Variants in PBX1 observed in about 807,000 individuals in gnomAD.
PBX1 encodes the protein PBX homeobox 1, also known as pre-B-cell leukemia transcription factor 1.
Under a neutral mutation model 53.4 loss-of-function variants are expected in PBX1, and 6 were observed. The observed-to-expected ratio is 0.11, with a 90% CI of 0.06 to 0.22. PBX1 has a LOEUF of 0.22. Among genes scored for constraint, PBX1 ranks in the 10% least tolerant of loss-of-function variants. The pLI is 1.00. For synonymous variants in PBX1, 204 were observed against 212.3 expected (o/e 0.96, Z 0.34); for missense variants, 251 against 551.4 (o/e 0.46, Z 5.46).
chr1:164,723,732 A>G (rs1318483797), intron 2 of PBX1, among the ~76,000 whole-genome samples: 2 of 152,206 alleles, frequency 1.3e-5, no homozygotes, highest in Non-Finnish European at 2.9e-5. Context: ...GCTCTCCCCT[A>G]TTTAATGTCT....
chr1:164,715,189 C>T (rs554442220), intron 2 of PBX1, among the ~76,000 whole-genome samples: 1 of 152,290 alleles, frequency 6.6e-6, no homozygotes, highest in South Asian at 2.1e-4. Flanking sequence ...CAAGTGATGA[C>T]TCCTTCAGAA....
chr1:164,840,722 G>A (rs1335295673), intron 8 of PBX1, among the ~76,000 whole-genome samples: 2 of 152,154 alleles, frequency 1.3e-5, no homozygotes, highest in African/African-American at 2.4e-5. Context: ...TTTGGGATAA[G>A]CTATGAAGCA....
intron 2 of PBX1, among the ~76,000 whole-genome samples, chr1:164,648,203 A>G (rs922158626): frequency 2.6e-5 from 4 of 152,202 alleles, no homozygotes; most frequent in Non-Finnish European, 5.9e-5. Context: ...GAGTGTGCCC[A>G]AAGAAAGGCA....
intron 4 of PBX1, among the ~76,000 whole-genome samples, chr1:164,801,873 T>C (rs1031463795): frequency 4.6e-5 from 7 of 152,206 alleles, no homozygotes; most frequent in African/African-American, 1.7e-4. Context: ...CAAATGGCCT[T>C]CTCAGTTCAA....
chr1:164,868,179 G>A (rs190438507), intron 2 of PBX1, among the ~76,000 whole-genome samples: 6 of 152,138 alleles, frequency 3.9e-5, no homozygotes, highest in African/African-American at 1.2e-4. Context: ...AATGGCTAAT[G>A]GTTTCCAGTT....
intron 2 of PBX1, among the ~76,000 whole-genome samples, chr1:164,645,209 A>G (rs1389953015): frequency 6.6e-6 from 1 of 152,152 alleles, no homozygotes; most frequent in Non-Finnish European, 1.5e-5. Context: ...GATGAAGCCT[A>G]TTGTGCCCTA....
chr1:164,567,508 AATCAGTTTTACCTGATGCT>A (rs1008520418), intron 2 of PBX1, among the ~76,000 whole-genome samples: 1 of 152,136 alleles, frequency 6.6e-6, no homozygotes. Context: ...GGAACTTACA[AATCAGTTTTACCTGATGCT>A]ATCTTTCAGG....
chr1:164,745,956 G>A (rs1571326987), intron 2 of PBX1, among the ~76,000 whole-genome samples: 1 of 152,070 alleles, frequency 6.6e-6, no homozygotes, highest in African/African-American at 2.4e-5. Flanking sequence ...CTCCATACAT[G>A]GTAAATATCA....
At chr1:164,763,061 G>T (rs1218057719) in intron 2 of PBX1, among the ~76,000 whole-genome samples, 1 of 152,118 alleles carries the variant, frequency 6.6e-6, no homozygotes. Context: ...TTACAAATGT[G>T]AAAACAAACC....
chr1:164,646,619 T>C (rs1048465342), intron 2 of PBX1, among the ~76,000 whole-genome samples: 10 of 152,118 alleles, frequency 6.6e-5, no homozygotes, highest in African/African-American at 2.4e-4. Context: ...TCAGGAGAGA[T>C]AATAGGTAGA....
chr1:164,717,726 T>G (rs1315987291), intron 2 of PBX1, among the ~76,000 whole-genome samples: 2 of 152,152 alleles, frequency 1.3e-5, no homozygotes, highest in Non-Finnish European at 2.9e-5. Context: ...AGGTGTGCCT[T>G]GGCTGAAGGC....
chr1:164,779,411 CA>C (rs1305546606), intron 2 of PBX1, among the ~76,000 whole-genome samples: 1 of 152,056 alleles, frequency 6.6e-6, no homozygotes, highest in African/African-American at 2.4e-5. Context: ...GCAATGTTGG[CA>C]AAATTGTGCA....
intron 2 of PBX1, among the ~76,000 whole-genome samples, chr1:164,726,480 G>A (rs925970767): frequency 6.6e-6 from 1 of 152,164 alleles, no homozygotes; most frequent in African/African-American, 2.4e-5. Context: ...CATAAATATG[G>A]CTGGAACCAA....
At chr1:164,710,092 G>A (rs146014157) in intron 2 of PBX1, among the ~76,000 whole-genome samples, 16 of 152,308 alleles carry the variant, frequency 1.1e-4, no homozygotes, top group Admixed American at 3.9e-4. Context: ...TATGTAGAAT[G>A]CTTAGGTCAG....
chr1:164,685,917 G>A (rs1662065512), intron 2 of PBX1, among the ~76,000 whole-genome samples: 1 of 152,178 alleles, frequency 6.6e-6, no homozygotes. Flanking sequence ...AGCTTCTGCT[G>A]GAGAACATTA....
intron 7 of PBX1, 60 bp downstream of exon 7, chr1:164,820,244 G>A (rs1172378551): frequency 4.6e-5 from 43 of 930,210 alleles, no homozygotes; most frequent in Non-Finnish European, 7.1e-5. Flanking sequence ...GCCCTCAGTT[G>A]TATTGGACTT....
At chr1:164,754,023 G>A (rs1666366601) in intron 2 of PBX1, among the ~76,000 whole-genome samples, 1 of 152,092 alleles carries the variant, frequency 6.6e-6, no homozygotes, top group Admixed American at 6.6e-5. Flanking sequence ...GTGTTCCCTT[G>A]GCCACTGGAA....
intron 2 of PBX1, among the ~76,000 whole-genome samples, chr1:164,675,322 C>A (rs922369508): frequency 3.3e-5 from 5 of 152,194 alleles, no homozygotes; most frequent in African/African-American, 1.2e-4. Context: ...CTTTCCCTTA[C>A]CATTCACTTA....
intron 2 of PBX1, among the ~76,000 whole-genome samples, chr1:164,689,179 A>C (rs1264614223): frequency 6.6e-6 from 1 of 152,234 alleles, no homozygotes; most frequent in African/African-American, 2.4e-5. Context: ...AGTGAAATGA[A>C]TGTTTGTTTA....
Sources: gnomAD v4.1 joint callset for allele counts (sites outside exome capture counted in the v4.1 genomes callset) on GRCh38, gnomAD v4.1.1 for gene constraint, MANE v1.5 for transcripts, NCBI Gene and HGNC (gene_info 2026-07-23, HGNC 2026-07-21) for gene names.